The following SLC14A2 variants were observed in gnomAD, a reference collection of about 807,000 sequenced individuals.
SLC14A2 encodes the protein urea transporter 2.
Under a neutral mutation model 104.6 loss-of-function variants are expected in SLC14A2, and 91 were observed. That is an observed-to-expected ratio of 0.87 (90% confidence interval 0.73 to 1.04). The LOEUF is 1.04. SLC14A2 is among the 50% of genes least tolerant of loss of function. The pLI, the probability that SLC14A2 is intolerant of heterozygous loss-of-function variation, is 0.00. For missense variants in SLC14A2, 1,189 were observed against 1,156.0 expected, an observed-to-expected ratio of 1.03 and a Z score of -0.41; for synonymous variants, 476 against 466.4, an observed-to-expected ratio of 1.02 and a Z score of -0.27.
intron 1 of SLC14A2, among the ~76,000 whole-genome samples, chr18:45,404,463 G>A (rs887471601): frequency 3.9e-5 from 6 of 152,286 alleles, no homozygotes; most frequent in African/African-American, 1.4e-4. Context: ...GTAATGAAGT[G>A]TCTCCCTTAT....
At chr18:45,189,352 G>C in the SLC14A2 span, among the ~76,000 whole-genome samples, 4 of 152,152 alleles carry the variant, frequency 2.6e-5, no homozygotes, top group Non-Finnish European at 4.4e-5. Flanking sequence ...ATGTTCTTAT[G>C]AGGGTTGAAT....
chr18:45,465,475 T>C (rs954487005), intron 1 of SLC14A2, among the ~76,000 whole-genome samples: 2 of 152,118 alleles, frequency 1.3e-5, no homozygotes, highest in Non-Finnish European at 2.9e-5. Flanking sequence ...CAGTAGTCCA[T>C]GATGGAGGTG....
At chr18:45,515,273 T>C (rs1303050504) in intron 2 of SLC14A2, among the ~76,000 whole-genome samples, 1 of 152,250 alleles carries the variant, frequency 6.6e-6, no homozygotes, top group Non-Finnish European at 1.5e-5. Context: ...ATATTGACTG[T>C]AGCCTCACTG....
Position 45,309,758 on chromosome 18 carries a change from C to A in SLC14A2, c.-125+96567C>A, listed in dbSNP as rs568800359. On this transcript the variant is annotated intron_variant, in intron 1 of 20. Transcript: ENST00000586448. ...AGAGTTTGATTAATTGTATGAGGAACATTTTTGTAGCCACTACCCAACTTC... is the reference window on the plus strand; with the variant it reads ...AGAGTTTGATTAATTGTATGAGGAAAATTTTTGTAGCCACTACCCAACTTC... Among the ~76,000 whole-genome samples, 21 of 152,274 alleles carry A rather than the reference C, an allele frequency of 1.4e-4. No individual in the cohort carries two copies. In the East Asian group the frequency reaches 3.7e-3, roughly 27 times the overall value.
chr18:45,395,600 T>C (rs1282570525), intron 1 of SLC14A2, among the ~76,000 whole-genome samples: 1 of 151,690 alleles, frequency 6.6e-6, no homozygotes, highest in South Asian at 2.1e-4. Context: ...TAATCCAAAC[T>C]TTTTTTTTGT....
At position 45,593,388 on chromosome 18, in the gene SLC14A2, CCAT is replaced by C. The variant is rs1192326695; in HGVS notation, c.-34-31238_-34-31236del. ...CGAAGGGACGTAGGCTAGAGCTCTC[CCAT>C]CATCTCCTACAAACCCCCAAACAAT... On this transcript the variant is annotated intron_variant, in intron 2 of 20. Coordinates refer to the SLC14A2 transcript ENST00000586448. Among the ~76,000 whole-genome samples the C allele has an allele frequency of 2.0e-5, 3 of 151,822 alleles. No homozygotes were observed. The East Asian group carries it at 5.8e-4, about 29-fold the overall frequency.
At chr18:45,466,802 C>G (rs573451237) in intron 1 of SLC14A2, among the ~76,000 whole-genome samples, 1 of 151,910 alleles carries the variant, frequency 6.6e-6, no homozygotes, top group East Asian at 1.9e-4. Context: ...ACCCTGTATA[C>G]CCCTGTGAAT....
intron 1 of SLC14A2, among the ~76,000 whole-genome samples, chr18:45,465,448 C>T (rs1042112421): frequency 1.3e-5 from 2 of 152,224 alleles, no homozygotes; most frequent in African/African-American, 2.4e-5. Flanking sequence ...CAGGACAGGG[C>T]AGTGAAGGGC....
intron 10 of SLC14A2, among the ~76,000 whole-genome samples, chr18:45,648,633 T>G (rs544796782): frequency 1.3e-5 from 2 of 152,230 alleles, no homozygotes; most frequent in Non-Finnish European, 2.9e-5. Flanking sequence ...ACTTTATTAC[T>G]TTTAACTATA....
At chr18:45,495,334 C>T (rs901893668) in intron 2 of SLC14A2, among the ~76,000 whole-genome samples, 1 of 152,144 alleles carries the variant, frequency 6.6e-6, no homozygotes, top group Non-Finnish European at 1.5e-5. Flanking sequence ...AAGAAACAAA[C>T]AAAATACAAT....
chr18:45,188,978 G>A, the SLC14A2 span, among the ~76,000 whole-genome samples: 36,331 of 152,104 alleles, frequency 0.24, 4,614 homozygotes, highest in Non-Finnish European at 0.3. Flanking sequence ...ATGATTCTAC[G>A]AATATTTTTT....
intron 1 of SLC14A2, among the ~76,000 whole-genome samples, chr18:45,474,219 G>A (rs765307333): frequency 2.6e-4 from 40 of 152,164 alleles, no homozygotes; most frequent in Non-Finnish European, 4.3e-4. Context: ...GCATCCCGGG[G>A]TTGAAGCCCA....
intron 5 of SLC14A2, among the ~76,000 whole-genome samples, chr18:45,632,972 C>T (rs948010530): frequency 4.3e-4 from 65 of 152,310 alleles, no homozygotes; most frequent in African/African-American, 1.4e-3. Context: ...CCACCATGCC[C>T]AGCCAGGAGG....
intron 1 of SLC14A2, among the ~76,000 whole-genome samples, chr18:45,341,078 T>C (rs1378138973): frequency 6.6e-6 from 1 of 152,330 alleles, no homozygotes; most frequent in East Asian, 1.9e-4. Flanking sequence ...AAGGCTTGAA[T>C]CATTTCTTTG....
chr18:45,288,576 G>T lies in SLC14A2; in HGVS notation c.-125+75385G>T, dbSNP rs78426846. On this transcript the variant is annotated intron_variant, in intron 1 of 20. Coordinates refer to the SLC14A2 transcript ENST00000586448. Reference sequence around the variant, plus strand: ...CTACAATCTCTAGCTTCTCTATGTGGTCTAAGTTGCCAGACACCCCAAAAC... The same window carrying T: ...CTACAATCTCTAGCTTCTCTATGTGTTCTAAGTTGCCAGACACCCCAAAAC... Among the ~76,000 whole-genome samples, 3 of 152,280 alleles carry T rather than the reference G, an allele frequency of 2.0e-5. No homozygotes were observed. The East Asian group carries it at 5.8e-4, about 29-fold the overall frequency.
chr18:45,386,591 A>G (rs1194549417), intron 1 of SLC14A2, among the ~76,000 whole-genome samples: 1 of 152,208 alleles, frequency 6.6e-6, no homozygotes, highest in African/African-American at 2.4e-5. Flanking sequence ...GACCAGCATT[A>G]GCAGATTAAC....
At chr18:45,668,296 G>T (rs1264808032) in intron 14 of SLC14A2, 53 bp from the exon 15 acceptor site, 3 of 1,600,970 alleles carry the variant, frequency 1.9e-6, no homozygotes, top group Non-Finnish European at 2.6e-6. Context: ...ATAGGAAAAT[G>T]TAAAGGGCCC....
chr18:45,361,228 T>A (rs560317300), intron 1 of SLC14A2, among the ~76,000 whole-genome samples: 1 of 152,216 alleles, frequency 6.6e-6, no homozygotes, highest in Admixed American at 6.5e-5. Flanking sequence ...ATTTGCGTAA[T>A]AAACCCTTAA....
At chr18:45,186,359 G>T in the SLC14A2 span, among the ~76,000 whole-genome samples, 1 of 152,140 alleles carries the variant, frequency 6.6e-6, no homozygotes, top group Non-Finnish European at 1.5e-5. Flanking sequence ...AAATGGGAAA[G>T]GATTGGCTTT....
Sources: allele counts gnomAD v4.1 joint callset (sites outside exome capture counted in the v4.1 genomes callset), GRCh38; gene constraint gnomAD v4.1.1; transcripts MANE v1.5; gene names NCBI Gene and HGNC (gene_info 2026-07-23, HGNC 2026-07-21).